Variants in CPD observed in about 807,000 individuals in gnomAD.
CPD encodes the protein carboxypeptidase D, also known as metallocarboxypeptidase D.
A neutral mutation model predicts 138.3 loss-of-function variants in CPD; 69 were observed. That is an observed-to-expected ratio of 0.50 (90% CI 0.41 to 0.61). CPD has a LOEUF of 0.61. Among genes scored for constraint, CPD ranks in the 20% least tolerant of loss-of-function variants. The pLI, the probability that CPD is intolerant of heterozygous loss-of-function variation, is 0.00. For synonymous variants in CPD, 651 were observed against 642.1 expected, an observed-to-expected ratio of 1.01 and a Z score of -0.21; for missense variants, 1,432 against 1,733.3, an observed-to-expected ratio of 0.83 and a Z score of 3.09.
At chr17:30,397,713 G>A (rs1451020666) in intron 2 of CPD, among the ~76,000 whole-genome samples, 4 of 143,108 alleles carry the variant, frequency 2.8e-5, no homozygotes, top group Non-Finnish European at 6.0e-5. Context: ...CTGCAGCTTG[G>A]GTGACAGAGC....
At chr17:30,438,000 CT>C (rs963626144) in intron 8 of CPD, among the ~76,000 whole-genome samples, 151 of 89,454 alleles carry the variant, frequency 1.7e-3, no homozygotes, top group East Asian at 1.9e-3. Flanking sequence ...CCATGTGTGG[CT>C]TTTTTTTTTT....
At chr17:30,426,016 T>C (rs1355045502) in intron 6 of CPD, among the ~76,000 whole-genome samples, 2 of 151,890 alleles carry the variant, frequency 1.3e-5, no homozygotes, top group Admixed American at 6.5e-5. Context: ...CTGGCCAACA[T>C]GGTGAAACCT....
In CPD at chr17:30,407,423, C is replaced by T. The variant is rs1184902417; in HGVS notation, c.995-13418C>T. Among the ~76,000 whole-genome samples the T allele has an allele frequency of 2.0e-5, 3 of 152,188 alleles. No homozygotes were observed. The South Asian group carries it at 6.2e-4, about 32-fold the overall frequency. On this transcript the variant is annotated intron_variant, in intron 2 of 20. Transcript: ENST00000225719. ...TCCACAATGGTTGAACTAATTTACACTCCCACCAACAGTGTAAAAGCTTTC... is the reference window on the plus strand; with the variant it reads ...TCCACAATGGTTGAACTAATTTACATTCCCACCAACAGTGTAAAAGCTTTC...
intron 10 of CPD, among the ~76,000 whole-genome samples, chr17:30,442,895 TA>T (rs1192179856): frequency 6.6e-6 from 1 of 152,144 alleles, no homozygotes; most frequent in African/African-American, 2.4e-5. Context: ...GGCCAGTAGG[TA>T]AAGATTATAA....
intron 6 of CPD, among the ~76,000 whole-genome samples, chr17:30,426,395 T>C (rs1302664508): frequency 6.6e-6 from 1 of 152,148 alleles, no homozygotes; most frequent in African/African-American, 2.4e-5. Context: ...CAAAGATAGT[T>C]TGATGGACAA....
chr17:30,462,151 A>C (rs984201127), intron 19 of CPD, 89 bp downstream of exon 19: 2 of 1,248,126 alleles, frequency 1.6e-6, no homozygotes, highest in African/African-American at 3.1e-5. Context: ...AGAAATCTTG[A>C]AGGGAATAAA....
Position 30,379,119 on chromosome 17 carries a change from G to A in CPD, c.139G>A (p.Gly47Ser). The A allele has an allele frequency of 6.5e-7, 1 of 1,541,984 alleles. No homozygotes were observed. The highest frequency in any genetic ancestry group is 8.7e-7 in the Non-Finnish European group (1 of 1,148,340). Reference sequence around the variant, plus strand: ...GGCGACTACCACAACTACGAGCGCGGGCGCCGAGGCGGCCGAGGGCCAGTT... The same window carrying A: ...GGCGACTACCACAACTACGAGCGCGAGCGCCGAGGCGGCCGAGGGCCAGTT... Reference protein sequence around the residue: ...AEATTTTTSAGAEAAEGQFDR... With the variant: ...AEATTTTTSASAEAAEGQFDR... The change falls in exon 1 of 21, where the codon GGC (glycine) becomes AGC (serine). Residue 47 changes from glycine to serine, a missense_variant. Physicochemically the swap from Gly to Ser is moderately conservative, Grantham distance 56. Transcript: ENST00000225719. The surrounding 1 kb of genome is among the most constrained non-coding windows in gnomAD (Gnocchi z 7.0).
At chr17:30,395,151 G>A (rs1473268024) in intron 2 of CPD, among the ~76,000 whole-genome samples, 16 of 150,570 alleles carry the variant, frequency 1.1e-4, no homozygotes. Flanking sequence ...ATTGCGTGGA[G>A]CTAGAAGTTC....
At chr17:30,404,592 T>C (rs1304770632) in intron 2 of CPD, among the ~76,000 whole-genome samples, 2 of 152,136 alleles carry the variant, frequency 1.3e-5, no homozygotes, top group Non-Finnish European at 2.9e-5. Flanking sequence ...ATAGCTATTA[T>C]CTTGGAATAA....
intron 8 of CPD, 59 bp downstream of exon 8, chr17:30,431,940 C>G (rs2143441241): frequency 8.5e-7 from 1 of 1,170,758 alleles, no homozygotes; most frequent in Admixed American, 2.1e-5. Context: ...TAAAAATATG[C>G]TTTAAAGTCC....
intron 2 of CPD, among the ~76,000 whole-genome samples, chr17:30,419,393 G>A (rs1912204454): frequency 6.6e-6 from 1 of 152,192 alleles, no homozygotes; most frequent in Non-Finnish European, 1.5e-5. Context: ...AGGCTGGAGT[G>A]CAGTGGCACT....
At chr17:30,461,115 C>G (rs1567885722) in intron 17 of CPD, 65 bp from the exon 18 acceptor site, 1 of 1,309,968 alleles carries the variant, frequency 7.6e-7, no homozygotes, top group Non-Finnish European at 1.0e-6. Flanking sequence ...TGTTGTATTA[C>G]AAAGCCTTAT....
At chr17:30,381,328 G>C (rs1429505680) in intron 1 of CPD, among the ~76,000 whole-genome samples, 6 of 152,092 alleles carry the variant, frequency 3.9e-5, no homozygotes, top group African/African-American at 1.4e-4. Context: ...CCTTTAAAAT[G>C]CTGTGATCCT....
intron 14 of CPD, among the ~76,000 whole-genome samples, chr17:30,452,343 A>G (rs1317359108): frequency 2.0e-5 from 3 of 151,206 alleles, no homozygotes; most frequent in Admixed American, 2.0e-4. Flanking sequence ...CAATGGTACA[A>G]TCTTGGCTCG....
intron 17 of CPD, among the ~76,000 whole-genome samples, chr17:30,458,129 G>A (rs1913348158): frequency 6.6e-6 from 1 of 152,032 alleles, no homozygotes; most frequent in Non-Finnish European, 1.5e-5. Flanking sequence ...GGGAAGCAGA[G>A]GTTTCAGTGA....
intron 2 of CPD, among the ~76,000 whole-genome samples, chr17:30,413,120 A>C (rs948418598): frequency 6.6e-6 from 1 of 152,222 alleles, no homozygotes; most frequent in Non-Finnish European, 1.5e-5. Context: ...ATAATTCCCA[A>C]TAGTCTTAGT....
In CPD at chr17:30,427,378, T is replaced by C. The variant is rs1176029823; in HGVS notation, c.1850-13T>C. 3 of 1,612,350 alleles carry C rather than the reference T, an allele frequency of 1.9e-6. No homozygotes were observed. The African/African-American group carries it at 4.0e-5, about 22-fold the overall frequency. On this transcript the variant is annotated splice_polypyrimidine_tract_variant and intron_variant, in intron 6 of 20. Coordinates refer to ENST00000225719, the MANE Select transcript of CPD (RefSeq NM_001304.5). ...ACATGGCTTATATTCAAATCCTTTATCATATCATACAGGAGATTCAATAAG... is the reference window on the plus strand; with the variant it reads ...ACATGGCTTATATTCAAATCCTTTACCATATCATACAGGAGATTCAATAAG...
chr17:30,403,331 C>A (rs1597712635), intron 2 of CPD, among the ~76,000 whole-genome samples: 1 of 152,112 alleles, frequency 6.6e-6, no homozygotes, highest in Admixed American at 6.5e-5. Flanking sequence ...TAGTTCAGTT[C>A]TCAGTGCTTT....
rs1338230608 is a variant in CPD at position 30,379,983 on chromosome 17, C to T, written c.746+257C>T. Among the ~76,000 whole-genome samples the T allele has an allele frequency of 6.6e-6, 1 of 152,204 alleles. No individual in the cohort carries two copies. The highest frequency in any genetic ancestry group is 1.5e-5 in the Non-Finnish European group (1 of 68,026). On this transcript the variant is annotated intron_variant, in intron 1 of 20. Coordinates refer to ENST00000225719, the MANE Select transcript of CPD (RefSeq NM_001304.5). This position sits in a 1 kb window ranked among gnomAD's most constrained non-coding sequence, Gnocchi z 7.0. The stretch of plus-strand genomic sequence containing the variant: ...CACTCCTTTCTGACATTTCTGGTCC[C>T]TATTCTTACAGGGGCATAGAATATG...
Sources: allele counts gnomAD v4.1 joint callset (sites outside exome capture counted in the v4.1 genomes callset), GRCh38; gene constraint gnomAD v4.1.1; non-coding constraint Gnocchi (gnomAD v3.1); transcripts MANE v1.5; gene names NCBI Gene and HGNC (gene_info 2026-07-23, HGNC 2026-07-21).